Variants in ZUP1 observed in about 807,000 individuals in gnomAD.
ZUP1 encodes the protein zinc finger containing ubiquitin peptidase 1.
ZUP1 carries 55 observed loss-of-function variants against 68.1 expected under a neutral mutation model. The ratio of observed to expected loss-of-function variants is 0.81; its 90% CI spans 0.65 to 1.01. The LOEUF (loss-of-function observed/expected upper bound fraction) is 1.01, where lower values mean the gene tolerates loss of function less well. Ranked by LOEUF, ZUP1 falls within the 50% of genes least tolerant of loss-of-function variation. The probability of loss-of-function intolerance (pLI) is 0.00; values close to 1 mark genes in which losing one functional copy is unlikely to be tolerated. For synonymous variants in ZUP1, 223 were observed against 221.5 expected (o/e 1.01, Z -0.06); for missense variants, 684 against 674.9 (o/e 1.01, Z -0.15).
intron 9 of ZUP1, among the ~76,000 whole-genome samples, chr6:116,637,893 T>G (rs542138761): frequency 6.6e-6 from 1 of 151,908 alleles, no homozygotes; most frequent in Admixed American, 6.6e-5. Context: ...TGAAACCCCA[T>G]CTCTACTAAA....
At chr6:116,666,007 T>C (rs967589048) in intron 2 of ZUP1, among the ~76,000 whole-genome samples, 3 of 151,868 alleles carry the variant, frequency 2.0e-5, no homozygotes, top group South Asian at 4.2e-4. Context: ...AAAGGAAAAA[T>C]AGATAAATTT....
chr6:116,642,555 C>G (rs1025030709), intron 9 of ZUP1, among the ~76,000 whole-genome samples: 60 of 152,226 alleles, frequency 3.9e-4, no homozygotes, highest in African/African-American at 1.3e-3. Context: ...TAAATGTAAT[C>G]CAGAATATAA....
Position 116,667,087 on chromosome 6 carries a change from AC to A in ZUP1, c.105del (p.Lys35AsnfsTer5), listed in dbSNP as rs759302511. 1 of 1,613,820 alleles carries A rather than the reference AC, an allele frequency of 6.2e-7. No homozygotes were observed. The highest frequency in any genetic ancestry group is 2.2e-5 in the East Asian group (1 of 44,806). ...ATTTCATCATAATTCACACCTGACA[AC>A]TTGCAAAATGGACATATAATTTCAC... ...MESEIICPFCKLSGVNYDEMC... is the reference protein window; with the variant it reads ...MESEIICPFCXLSGVNYDEMC... On this transcript the variant is annotated frameshift_variant, in exon 2 of 10. Coordinates refer to ENST00000368576, the MANE Select transcript of ZUP1 (RefSeq NM_145062.3). LOFTEE classifies it high-confidence loss of function.
intron 1 of ZUP1, among the ~76,000 whole-genome samples, chr6:116,667,510 A>C (rs1777048348): frequency 6.6e-6 from 1 of 152,146 alleles, no homozygotes; most frequent in Admixed American, 6.5e-5. Flanking sequence ...AGGTAAGATA[A>C]ATCAGGTAAG....
chr6:116,663,984 A>G (rs879549098), intron 2 of ZUP1, among the ~76,000 whole-genome samples: 1 of 152,146 alleles, frequency 6.6e-6, no homozygotes, highest in Non-Finnish European at 1.5e-5. Context: ...TAATAGTTGA[A>G]TAAGACTAGA....
At chr6:116,639,325 G>A (rs1424853838) in intron 9 of ZUP1, among the ~76,000 whole-genome samples, 1 of 152,222 alleles carries the variant, frequency 6.6e-6, no homozygotes, top group Non-Finnish European at 1.5e-5. Flanking sequence ...TGACAGCTTT[G>A]AGGAGAGCAG....
intron 8 of ZUP1, among the ~76,000 whole-genome samples, chr6:116,646,681 C>A (rs1776319702): frequency 6.6e-6 from 1 of 152,054 alleles, no homozygotes; most frequent in Non-Finnish European, 1.5e-5. Context: ...CTCAAGTGAC[C>A]CTCCCACCTC....
intron 2 of ZUP1, among the ~76,000 whole-genome samples, chr6:116,661,838 T>C (rs1459088668): frequency 6.6e-6 from 1 of 152,140 alleles, no homozygotes; most frequent in Non-Finnish European, 1.5e-5. Flanking sequence ...ACACTAAAAT[T>C]TGAATTGCTA....
chr6:116,660,082 A>G (rs1278105997), intron 3 of ZUP1, among the ~76,000 whole-genome samples: 1 of 152,202 alleles, frequency 6.6e-6, no homozygotes, highest in Non-Finnish European at 1.5e-5. Flanking sequence ...AAACCACCAG[A>G]GCAGGGAACT....
At position 116,656,693 on chromosome 6, in the gene ZUP1, T is replaced by C. The variant is rs763343714; in HGVS notation, c.952A>G (p.Lys318Glu). 2.5e-6 allele frequency: 4 copies of C among 1,610,288 alleles called. No homozygotes were observed. Among genetic ancestry groups the C allele is most frequent in the Middle Eastern group, 1.7e-4 (1 of 6,036 alleles). The change falls in exon 5 of 10, where the codon AAA (lysine) becomes GAA (glutamate). Residue 318 changes from lysine to glutamate, a missense_variant. Lys to Glu is a moderately conservative substitution (Grantham distance 56). Transcript: ENST00000368576. ...LALGFDDGKT[K>E]TSGIIEALHR... ...ATGTTTAAATACTCACCGGAAGTTT[T>C]TGTTTTTCCATCGTCAAAACCAAGA...
chr6:116,643,327 G>C (rs1032676973), intron 9 of ZUP1, among the ~76,000 whole-genome samples: 6 of 151,654 alleles, frequency 4.0e-5, no homozygotes, highest in East Asian at 3.9e-4. Flanking sequence ...CACAGAATTG[G>C]AAAAAACTAC....
intron 3 of ZUP1, 110 bp from the exon 4 acceptor site, chr6:116,659,034 T>C: frequency 1.0e-6 from 1 of 999,188 alleles, no homozygotes; most frequent in Non-Finnish European, 1.4e-6. Context: ...TGCCATTTAT[T>C]CATGACTGTG....
At position 116,651,661 on chromosome 6, in the gene ZUP1, C is replaced by T; in HGVS notation, c.1227G>A (p.Gly409=). 1.9e-6 allele frequency: 3 copies of T among 1,613,776 alleles called. No individual in the cohort carries two copies. The highest frequency in any genetic ancestry group is 2.5e-6 in the Non-Finnish European group (3 of 1,179,820). The change falls in exon 7 of 10, where the codon GGG becomes GGA. Residue 409 remains glycine, a synonymous_variant. Coordinates refer to ENST00000368576, the MANE Select transcript of ZUP1 (RefSeq NM_145062.3). The stretch of plus-strand genomic sequence containing the variant: ...GTAACCTGTTATTAAGTTGAGAGGC[C>T]CCCTGAGGATCAAAACCTTCCTTCC... The part of the protein sequence containing the change: ...DAWKEGFDPQ[G]ASQLNNRLQG...
At chr6:116,645,630 T>G in intron 9 of ZUP1, 84 bp downstream of exon 9, 3 of 1,007,374 alleles carry the variant, frequency 3.0e-6, no homozygotes, top group Admixed American at 2.8e-5. Context: ...AAGAAAAAAG[T>G]GATAACACTG....
chr6:116,645,901 T>C lies in ZUP1; in HGVS notation c.1502A>G (p.Lys501Arg), dbSNP rs1327074767. 1.3e-5 allele frequency: 21 copies of C among 1,613,604 alleles called. No homozygotes were observed. In the Admixed American group the frequency reaches 2.8e-4, roughly 22 times the overall value. Residue 501 changes from lysine (K) to arginine (R), a missense_variant, in exon 9 of 10, where the codon AAA (lysine) becomes AGA (arginine). Coordinates refer to ENST00000368576, the MANE Select transcript of ZUP1 (RefSeq NM_145062.3). The part of the protein sequence containing the change: ...HSRTVIGIEE[K>R]KNRTLCLLIL... ...TAGTAAGCATAATGTTCGGTTTTTT[T>C]TCTCTTCAATTCCAATAACAGTTCG...
At position 116,666,271 on chromosome 6, in the gene ZUP1, CAG is replaced by C. The variant is rs201770797; in HGVS notation, c.559+361_559+362del. ...AACAAATTTAAAAGAACTGATATCA[CAG>C]AGAGTTTGTTCTCCAATCATAACAG... On this transcript the variant is annotated intron_variant, in intron 2 of 9. Coordinates refer to ENST00000368576, the MANE Select transcript of ZUP1 (RefSeq NM_145062.3). 2.7e-4 allele frequency among the ~76,000 whole-genome samples: 41 copies of C among 152,128 alleles called. 2 individuals carry two copies. The highest frequency in any genetic ancestry group is 9.6e-4 in the African/African-American group (40 of 41,516).
At chr6:116,666,041 C>T (rs1776998453) in intron 2 of ZUP1, among the ~76,000 whole-genome samples, 1 of 152,148 alleles carries the variant, frequency 6.6e-6, no homozygotes, top group Admixed American at 6.5e-5. Flanking sequence ...GGGATTTCAA[C>T]AACCCCTTCT....
chr6:116,649,945 G>T (rs930177942), intron 7 of ZUP1, among the ~76,000 whole-genome samples: 2 of 152,002 alleles, frequency 1.3e-5, no homozygotes, highest in Non-Finnish European at 2.9e-5. Flanking sequence ...CAAAATGCAG[G>T]CAATAGAAAG....
intron 9 of ZUP1, 94 bp downstream of exon 9, chr6:116,645,611 TAGAAAAAAA>T (rs1281545921): frequency 1.1e-5 from 8 of 743,658 alleles, no homozygotes; most frequent in South Asian, 2.2e-5. Flanking sequence ...AGAAAAAGAA[TAGAAAAAAA>T]AGAAAAAAGT....
Sources: allele counts gnomAD v4.1 joint callset (sites outside exome capture counted in the v4.1 genomes callset), GRCh38; gene constraint gnomAD v4.1.1; transcripts MANE v1.5; gene names NCBI Gene and HGNC (gene_info 2026-07-23, HGNC 2026-07-21).